ARL15: variants seen among roughly 807,000 people sequenced by gnomAD.
The protein encoded by ARL15 is ARF like GTPase 15.
A neutral mutation model predicts 25.2 loss-of-function variants in ARL15; 19 were observed. That is an observed-to-expected ratio of 0.75 (90% CI 0.53 to 1.10). The LOEUF is 1.10. ARL15 is among the 50% of genes least tolerant of loss of function. The probability of loss-of-function intolerance (pLI) is 0.00; values close to 1 mark genes in which losing one functional copy is unlikely to be tolerated. For synonymous variants in ARL15, 94 were observed against 86.8 expected (o/e 1.08, Z -0.46); for missense variants, 220 against 246.0 (o/e 0.89, Z 0.71).
intron 1 of ARL15, among the ~76,000 whole-genome samples, chr5:54,287,796 G>A (rs1332198885): frequency 6.6e-6 from 1 of 152,036 alleles, no homozygotes; most frequent in Non-Finnish European, 1.5e-5. Context: ...AGATGCAAAG[G>A]CCCACAAGCA....
At chr5:53,940,434 A>G (rs1180532038) in intron 4 of ARL15, among the ~76,000 whole-genome samples, 1 of 152,250 alleles carries the variant, frequency 6.6e-6, no homozygotes, top group Admixed American at 6.5e-5. Flanking sequence ...AAACTTTGAA[A>G]GAGATTAAGA....
intron 3 of ARL15, among the ~76,000 whole-genome samples, chr5:54,119,698 G>A (rs1011497883): frequency 4.6e-5 from 7 of 152,046 alleles, no homozygotes; most frequent in Non-Finnish European, 8.8e-5. Flanking sequence ...TGAGCAAAAC[G>A]TTTTGCTCTC....
chr5:54,193,767 G>A (rs1398727443), intron 1 of ARL15, among the ~76,000 whole-genome samples: 2 of 137,932 alleles, frequency 1.4e-5, no homozygotes, highest in East Asian at 2.0e-4. Flanking sequence ...TTCGACTTAT[G>A]TACTCTGCCT....
intron 4 of ARL15, among the ~76,000 whole-genome samples, chr5:54,081,232 T>C (rs528182924): frequency 9.9e-5 from 15 of 152,210 alleles, no homozygotes; most frequent in Non-Finnish European, 4.4e-5. Context: ...TTATTGGTTA[T>C]TGTGTGATGC....
At chr5:54,004,645 A>AGAGAGGCTCTCTAC (rs1460698705) in intron 4 of ARL15, among the ~76,000 whole-genome samples, 1 of 152,152 alleles carries the variant, frequency 6.6e-6, no homozygotes, top group Non-Finnish European at 1.5e-5. Context: ...CCTCTCTATC[A>AGAGAGGCTCTCTAC]CAGAGCCATT....
At position 54,285,747 on chromosome 5, in the gene ARL15, T is replaced by A. The variant is rs577599486; in HGVS notation, c.48+24685A>T. 3.3e-5 allele frequency among the ~76,000 whole-genome samples: 5 copies of A among 152,306 alleles called. No individual in the cohort carries two copies. In the South Asian group the frequency reaches 8.3e-4, roughly 25 times the overall value. On this transcript the variant is annotated intron_variant, in intron 1 of 4. Coordinates refer to ENST00000504924, the MANE Select transcript of ARL15 (RefSeq NM_019087.3). ...ACGGGAGCAGTAAAACCCCTTCGAA[T>A]GAGGCCCTAGCTTGGGTCCTCTATT...
chr5:54,055,352 CTTTTTTTTTTT>C (rs147040538), intron 4 of ARL15, among the ~76,000 whole-genome samples: 6 of 55,332 alleles, frequency 1.1e-4, no homozygotes, highest in African/African-American at 1.6e-4. Flanking sequence ...ATCATCATTC[CTTTTTTTTTTT>C]TTTTTTTTTT....
At chr5:54,061,505 G>A (rs1751059288) in intron 4 of ARL15, among the ~76,000 whole-genome samples, 1 of 152,174 alleles carries the variant, frequency 6.6e-6, no homozygotes, top group South Asian at 2.1e-4. Context: ...AGCTACTTGA[G>A]AGGCTGAGGC....
intron 4 of ARL15, among the ~76,000 whole-genome samples, chr5:53,891,828 C>T (rs1314398230): frequency 6.6e-6 from 1 of 152,234 alleles, no homozygotes; most frequent in Non-Finnish European, 1.5e-5. Flanking sequence ...CACTCAGCCG[C>T]TCTGTCCTGA....
intron 4 of ARL15, among the ~76,000 whole-genome samples, chr5:53,897,990 A>G (rs940114747): frequency 1.3e-5 from 2 of 152,236 alleles, no homozygotes; most frequent in African/African-American, 4.8e-5. Context: ...ACAATAAGAT[A>G]AGCTAGAGAA....
chr5:53,918,015 G>T (rs953797040), intron 4 of ARL15, among the ~76,000 whole-genome samples: 4 of 151,948 alleles, frequency 2.6e-5, no homozygotes, highest in African/African-American at 9.7e-5. Context: ...GAAATCATAC[G>T]ACATATGCAA....
In ARL15 at chr5:53,898,790, C is replaced by T. The variant is rs1171894153; in HGVS notation, c.463-12077G>A. 3.3e-5 allele frequency among the ~76,000 whole-genome samples: 5 copies of T among 151,660 alleles called. No individual in the cohort carries two copies. The East Asian group carries it at 9.9e-4, about 30-fold the overall frequency. Reference sequence around the variant, plus strand: ...ACCTCAGCCTCCTGAGTAGCGAGGACCACAGGCGTGTACCACCATGCCTGG... The same window carrying T: ...ACCTCAGCCTCCTGAGTAGCGAGGATCACAGGCGTGTACCACCATGCCTGG... On this transcript the variant is annotated intron_variant, in intron 4 of 4. Coordinates refer to ENST00000504924, the MANE Select transcript of ARL15 (RefSeq NM_019087.3).
intron 4 of ARL15, among the ~76,000 whole-genome samples, chr5:54,034,104 C>T (rs145835759): frequency 1.9e-4 from 29 of 152,282 alleles, no homozygotes; most frequent in Middle Eastern, 3.4e-3. Flanking sequence ...TGAGCCACCA[C>T]GCCCGGCACA....
chr5:54,063,098 A>G (rs1445290081), intron 4 of ARL15, among the ~76,000 whole-genome samples: 1 of 152,222 alleles, frequency 6.6e-6, no homozygotes. Context: ...TACATGAGGC[A>G]TAGGATGTCA....
chr5:54,251,627 T>C (rs1757238699), intron 1 of ARL15, among the ~76,000 whole-genome samples: 1 of 152,200 alleles, frequency 6.6e-6, no homozygotes, highest in Non-Finnish European at 1.5e-5. Flanking sequence ...GAGCTATTCC[T>C]AAAGACCTCA....
chr5:53,934,322 C>T (rs1051624808), intron 4 of ARL15, among the ~76,000 whole-genome samples: 1 of 152,136 alleles, frequency 6.6e-6, no homozygotes, highest in Non-Finnish European at 1.5e-5. Flanking sequence ...TAGCTCAAGG[C>T]TTCCTTACTG....
chr5:54,092,072 A>C (rs1037977537), intron 4 of ARL15, among the ~76,000 whole-genome samples: 21 of 149,522 alleles, frequency 1.4e-4, no homozygotes, highest in Non-Finnish European at 2.8e-4. Context: ...ACACACACAC[A>C]CCACCACCAC....
At chr5:54,026,602 A>G (rs781137120) in intron 4 of ARL15, among the ~76,000 whole-genome samples, 2 of 152,226 alleles carry the variant, frequency 1.3e-5, no homozygotes, top group Non-Finnish European at 2.9e-5. Flanking sequence ...TGAGTCGAAC[A>G]TTCAAGAGAG....
At chr5:53,896,215 G>C (rs955627027) in intron 4 of ARL15, among the ~76,000 whole-genome samples, 3 of 152,048 alleles carry the variant, frequency 2.0e-5, no homozygotes, top group African/African-American at 7.2e-5. Context: ...GGTATTTTTG[G>C]TAGAGACAGT....
Sources: gnomAD v4.1 joint callset for allele counts (sites outside exome capture counted in the v4.1 genomes callset) on GRCh38, gnomAD v4.1.1 for gene constraint, MANE v1.5 for transcripts, NCBI Gene and HGNC (gene_info 2026-07-23, HGNC 2026-07-21) for gene names.